Variants in EP300 observed in about 807,000 individuals in gnomAD.
EP300 encodes the protein histone acetyltransferase p300.
Under a neutral mutation model 264.0 loss-of-function variants are expected in EP300, and 31 were observed. The ratio of observed to expected loss-of-function variants is 0.12; its 90% CI spans 0.09 to 0.16. The LOEUF (loss-of-function observed/expected upper bound fraction) is 0.16, where lower values mean the gene tolerates loss of function less well. EP300 is among the 10% of genes least tolerant of loss of function. The probability of loss-of-function intolerance (pLI) is 1.00; values close to 1 mark genes in which losing one functional copy is unlikely to be tolerated. For missense variants in EP300, 2,766 were observed against 3,052.9 expected, an observed-to-expected ratio of 0.91 and a Z score of 2.21; for synonymous variants, 1,340 against 1,045.4, an observed-to-expected ratio of 1.28 and a Z score of -5.44.
chr22:41,167,604 AT>A lies in EP300; in HGVS notation c.3875-844del, dbSNP rs1569115720. Among the ~76,000 whole-genome samples the A allele has an allele frequency of 1.7e-4, 5 of 29,146 alleles. 1 individual carries two copies. The highest frequency in any genetic ancestry group is 3.8e-4 in the African/African-American group (5 of 13,240). The allele number at this position is 29,146 out of a possible 152,430, so 19.1% of individuals were successfully genotyped here. On this transcript the variant is annotated intron_variant, in intron 23 of 30. Transcript: ENST00000263253. Reference sequence around the variant, plus strand: ...TGTGTGTATATATATATATATATATATATATATATATATATATATATATATA... The same window carrying A: ...TGTGTGTATATATATATATATATATAATATATATATATATATATATATATA...
At chr22:41,120,284 C>T (rs1450204461) in intron 2 of EP300, among the ~76,000 whole-genome samples, 1 of 152,110 alleles carries the variant, frequency 6.6e-6, no homozygotes, top group Admixed American at 6.6e-5. Context: ...CATTCCAGAC[C>T]AGCCCCAGCA....
intron 2 of EP300, among the ~76,000 whole-genome samples, chr22:41,123,167 A>G (rs1002012205): frequency 6.6e-6 from 1 of 152,218 alleles, no homozygotes; most frequent in African/African-American, 2.4e-5. Flanking sequence ...GTTAGGTTGT[A>G]CTATCTAAGG....
intron 20 of EP300, among the ~76,000 whole-genome samples, chr22:41,162,408 G>C (rs1251450509): frequency 6.6e-6 from 1 of 152,162 alleles, no homozygotes. Flanking sequence ...CTGGGTTTCA[G>C]GATGGGAAGC....
chr22:41,118,744 C>G (rs1028146469), intron 2 of EP300, among the ~76,000 whole-genome samples: 46 of 151,708 alleles, frequency 3.0e-4, no homozygotes, highest in African/African-American at 1.1e-3. Flanking sequence ...TCGCTTGAGC[C>G]CAGGAGTTAA....
chr22:41,129,568 T>TCATAACA, intron 4 of EP300, among the ~76,000 whole-genome samples: 1 of 152,362 alleles, frequency 6.6e-6, no homozygotes, highest in East Asian at 1.9e-4. Flanking sequence ...GGCATGTGTG[T>TCATAACA]CATAACATTG....
rs1845762160 is a variant in EP300 at position 41,178,679 on chromosome 22, C to T, written c.6968C>T (p.Pro2323Leu). Residue 2323 changes from proline to leucine, a missense_variant, in exon 31 of 31, where the codon CCC becomes CTC. Coordinates refer to ENST00000263253, the MANE Select transcript of EP300 (RefSeq NM_001429.4). ...VPSPRPQSQPPHSSPSPRMQP... is the reference protein window; with the variant it reads ...VPSPRPQSQPLHSSPSPRMQP... The stretch of plus-strand genomic sequence containing the variant: ...TCTCCACGGCCACAGTCCCAGCCCC[C>T]CCACTCCAGTCCTTCCCCAAGGATG... The T allele has an allele frequency of 6.2e-7, 1 of 1,614,206 alleles. No individual in the cohort carries two copies. Among genetic ancestry groups the T allele is most frequent in the Non-Finnish European group, 8.5e-7 (1 of 1,180,040 alleles).
chr22:41,177,680 A>T lies in EP300; in HGVS notation c.5969A>T (p.Gln1990Leu). 1 of 1,613,944 alleles carries T rather than the reference A, an allele frequency of 6.2e-7. No individual in the cohort carries two copies. Among genetic ancestry groups the T allele is most frequent in the Non-Finnish European group, 8.5e-7 (1 of 1,180,018 alleles). ...CCAGGGATGGGACCGACAGGGATGC[A>T]GCAACAGCCACCCTGGAGCCAAGGA... ...LEPGMGPTGMQQQPPWSQGGL... is the reference protein window; with the variant it reads ...LEPGMGPTGMLQQPPWSQGGL... Residue 1990 changes from glutamine (Q) to leucine (L), a missense_variant, in exon 31 of 31, where the codon CAG becomes CTG. Coordinates refer to ENST00000263253, the MANE Select transcript of EP300 (RefSeq NM_001429.4).
chr22:41,143,311 G>T (rs571320172), intron 10 of EP300, among the ~76,000 whole-genome samples: 11 of 152,198 alleles, frequency 7.2e-5, no homozygotes, highest in African/African-American at 2.2e-4. Context: ...AATTAGCCAG[G>T]CATGGAGGTG....
chr22:41,139,694 G>T (rs574561543), intron 8 of EP300, among the ~76,000 whole-genome samples: 2 of 152,208 alleles, frequency 1.3e-5, no homozygotes, highest in East Asian at 1.9e-4. Flanking sequence ...CAGGTTTTTG[G>T]TTTTTTGTTT....
chr22:41,139,233 C>T (rs1345912428), intron 8 of EP300, among the ~76,000 whole-genome samples: 1 of 152,114 alleles, frequency 6.6e-6, no homozygotes, highest in Admixed American at 6.5e-5. Flanking sequence ...GGATTATAGG[C>T]GTTGAGCCAC....
chr22:41,179,880 T>TCA lies in EP300; in HGVS notation c.*966_*967dup, dbSNP rs59721178. ...TCTTCCTCCTTACCCTACCCCCCACTCACACACACACACACACACACACAC... is the reference window on the plus strand; with the variant it reads ...TCTTCCTCCTTACCCTACCCCCCACTCACACACACACACACACACACACACAC... On this transcript the variant is annotated 3_prime_UTR_variant, in exon 31 of 31. Coordinates refer to ENST00000263253, the MANE Select transcript of EP300 (RefSeq NM_001429.4). The TCA allele has an allele frequency of 0.045, 7,493 of 166,518 alleles. 378 individuals are homozygous for TCA. The highest frequency in any genetic ancestry group is 0.077 in the African/African-American group (3,082 of 39,812). 10.3% of individuals were successfully genotyped at this position (166,518 alleles called of 1,614,324 possible).
At chr22:41,147,140 C>G (rs904298362) in intron 11 of EP300, among the ~76,000 whole-genome samples, 1 of 151,984 alleles carries the variant, frequency 6.6e-6, no homozygotes, top group East Asian at 1.9e-4. Context: ...CCTGTCTCTA[C>G]TAAAAATACA....
chr22:41,165,427 T>C (rs1053752917), intron 22 of EP300, among the ~76,000 whole-genome samples: 9 of 152,188 alleles, frequency 5.9e-5, no homozygotes, highest in African/African-American at 2.2e-4. Flanking sequence ...TACATTTTCT[T>C]TTTTTCTTTT....
At chr22:41,138,480 A>G (rs536289674) in intron 8 of EP300, among the ~76,000 whole-genome samples, 11 of 152,222 alleles carry the variant, frequency 7.2e-5, no homozygotes, top group African/African-American at 2.6e-4. Flanking sequence ...AGCTTTTATT[A>G]TGTAAAAATC....
rs765020740 is a variant in EP300 at position 41,176,758 on chromosome 22, C to T, written c.5062-15C>T. 4 of 1,613,846 alleles carry T rather than the reference C, an allele frequency of 2.5e-6. No individual in the cohort carries two copies. The Admixed American group carries it at 6.7e-5, about 27-fold the overall frequency. On this transcript the variant is annotated splice_polypyrimidine_tract_variant and intron_variant, in intron 30 of 30. Transcript: ENST00000263253. ...ATCTTGGAGAGTTTACGTGCACCTC[C>T]TGTTTTTTCCCTAGGATTATGACTT...
intron 17 of EP300, 129 bp downstream of exon 17, chr22:41,155,242 CCCT>C (rs2059070393): frequency 3.6e-6 from 3 of 832,470 alleles, no homozygotes; most frequent in Non-Finnish European, 6.0e-6. Context: ...TTTTTTTTCC[CCCT>C]GAGACAGGGT....
chr22:41,137,668 A>G lies in EP300; in HGVS notation c.1638A>G (p.Glu546=). ...AINSQNPMMS[E]NASVPSLGPM... ...CTTTTTGAAGCCCAATGATGAGTGAAAATGCCAGTGTGCCCTCCCTGGGTC... is the reference window on the plus strand; with the variant it reads ...CTTTTTGAAGCCCAATGATGAGTGAGAATGCCAGTGTGCCCTCCCTGGGTC... The change falls in exon 8 of 31, where the codon GAA becomes GAG. Residue 546 remains glutamate (E), a synonymous_variant. Transcript: ENST00000263253. 1.2e-6 allele frequency: 2 copies of G among 1,614,206 alleles called. No individual in the cohort carries two copies. Among genetic ancestry groups the G allele is most frequent in the Non-Finnish European group, 1.7e-6 (2 of 1,180,040 alleles).
At chr22:41,146,967 C>A (rs2059014523) in intron 11 of EP300, 151 bp downstream of exon 11, 2 of 721,638 alleles carry the variant, frequency 2.8e-6, no homozygotes, top group East Asian at 5.5e-5. Flanking sequence ...GGTTGGCTGG[C>A]AGATCACAGG....
At chr22:41,104,420 G>C (rs986493343) in intron 1 of EP300, among the ~76,000 whole-genome samples, 7 of 151,930 alleles carry the variant, frequency 4.6e-5, no homozygotes, top group Non-Finnish European at 1.0e-4. Flanking sequence ...CTCCCAAGTA[G>C]CTGGGATTAC....
Sources: allele counts gnomAD v4.1 joint callset (sites outside exome capture counted in the v4.1 genomes callset), GRCh38; gene constraint gnomAD v4.1.1; transcripts MANE v1.5; gene names NCBI Gene and HGNC (gene_info 2026-07-23, HGNC 2026-07-21).